LOXL4: variants seen among roughly 807,000 people sequenced by gnomAD.
LOXL4 encodes lysyl oxidase homolog 4.
A neutral mutation model predicts 89.1 loss-of-function variants in LOXL4; 72 were observed. That is an observed-to-expected ratio of 0.81 (90% confidence interval 0.67 to 0.98). LOXL4 has a LOEUF of 0.98. Ranked by LOEUF, LOXL4 falls within the 50% of genes least tolerant of loss-of-function variation. The pLI is 0.00. For missense variants in LOXL4, 984 were observed against 1,017.5 expected, an observed-to-expected ratio of 0.97 and a Z score of 0.45; for synonymous variants, 355 against 392.1, an observed-to-expected ratio of 0.91 and a Z score of 1.12.
At chr10:98,260,481 G>A (rs1590882976) in intron 4 of LOXL4, among the ~76,000 whole-genome samples, 2 of 141,692 alleles carry the variant, frequency 1.4e-5, no homozygotes, top group African/African-American at 2.6e-5. Context: ...GGCGGGGGGT[G>A]GGGGGGCGTT....
chr10:98,252,837 G>T (rs1398242703), intron 11 of LOXL4, among the ~76,000 whole-genome samples: 1 of 152,228 alleles, frequency 6.6e-6, no homozygotes, highest in Non-Finnish European at 1.5e-5. Flanking sequence ...GTCCCTGTAA[G>T]CCTGGGACCA....
In LOXL4 at chr10:98,248,899, C is replaced by G; in HGVS notation, c.*22G>C. 1 of 1,605,122 alleles carries G rather than the reference C, an allele frequency of 6.2e-7. No homozygotes were observed. Among genetic ancestry groups the G allele is most frequent in the East Asian group, 2.2e-5 (1 of 44,820 alleles). ...GAGGTATCTGGTGTATCGGCAGCAG[C>G]TAGGAGTGTGCAGTGACAGCTTCAG... On this transcript the variant is annotated 3_prime_UTR_variant, in exon 15 of 15. Transcript: ENST00000260702.
At chr10:98,257,623 TG>T in intron 8 of LOXL4, 26 bp downstream of exon 8, 1 of 1,605,338 alleles carries the variant, frequency 6.2e-7, no homozygotes, top group Non-Finnish European at 8.5e-7. Context: ...GCCCCCAGCC[TG>T]AGGCCATGCT....
At chr10:98,265,371 C>CTAT (rs148906358) in intron 1 of LOXL4, among the ~76,000 whole-genome samples, 3,600 of 118,722 alleles carry the variant, frequency 0.03, 357 homozygotes, top group Middle Eastern at 0.046. Context: ...TAACAATGAA[C>CTAT]TATTATTATT....
At chr10:98,251,498 C>T in intron 13 of LOXL4, 68 bp downstream of exon 13, 1 of 1,580,398 alleles carries the variant, frequency 6.3e-7, no homozygotes, top group Non-Finnish European at 8.6e-7. Context: ...CCTTCATTTG[C>T]CCTCAGGGAA....
intron 1 of LOXL4, among the ~76,000 whole-genome samples, chr10:98,263,882 C>G (rs1005431384): frequency 2.0e-5 from 3 of 151,978 alleles, no homozygotes; most frequent in Non-Finnish European, 2.9e-5. Flanking sequence ...AGGCGCCCAC[C>G]ACCACGCCCA....
At chr10:98,257,246 C>T (rs1253163100) in intron 8 of LOXL4, among the ~76,000 whole-genome samples, 1 of 152,036 alleles carries the variant, frequency 6.6e-6, no homozygotes, top group Non-Finnish European at 1.5e-5. Flanking sequence ...ATGTCCCTTG[C>T]CTCATTCACA....
Position 98,251,605 on chromosome 10 carries a change from C to T in LOXL4, c.2049G>A (p.Val683=). The T allele has an allele frequency of 6.2e-7, 1 of 1,614,262 alleles. No homozygotes were observed. The highest frequency in any genetic ancestry group is 8.5e-7 in the Non-Finnish European group (1 of 1,180,052). Residue 683 remains valine (V), a synonymous_variant, in exon 13 of 15, where the codon GTG becomes GTA. Transcript: ENST00000260702. The stretch of plus-strand genomic sequence containing the variant: ...TCCCGGGGCCCACATCTGTGATATC[C>T]ACCCACTGGCAATCAATGTCATGCC... ...TYRHDIDCQW[V]DITDVGPGNY...
At chr10:98,256,073 C>G (rs183221822) in intron 9 of LOXL4, 2 of 246,836 alleles carry the variant, frequency 8.1e-6, no homozygotes, top group African/African-American at 4.5e-5. Context: ...CCCAGCTGCT[C>G]CTCAAGCGGC....
Position 98,252,486 on chromosome 10 carries a change from C to A in LOXL4, c.1836-18G>T. The A allele has an allele frequency of 1.3e-6, 2 of 1,565,330 alleles. No individual in the cohort carries two copies. Among genetic ancestry groups the A allele is most frequent in the South Asian group, 2.2e-5 (2 of 89,864 alleles). ...GGTAATGCCTGCAGAAGGGGTAGAG[C>A]TGTCAGTGCGGCAGCAACAGGAGAG... is the stretch of plus-strand genomic sequence containing the variant. On this transcript the variant is annotated intron_variant, in intron 11 of 14. Transcript: ENST00000260702.
At position 98,259,127 on chromosome 10, in the gene LOXL4, G is replaced by A; in HGVS notation, c.803C>T (p.Ala268Val). 1 of 1,610,310 alleles carries A rather than the reference G, an allele frequency of 6.2e-7. No individual in the cohort carries two copies. Among genetic ancestry groups the A allele is most frequent in the Middle Eastern group, 2.0e-4 (1 of 5,006 alleles). The change falls in exon 6 of 15, where the codon GCC (alanine) becomes GTC (valine). Residue 268 changes from alanine (A) to valine (V), a missense_variant. Physicochemically the swap from Ala to Val is moderately conservative, Grantham distance 64 (BLOSUM62 0). Transcript: ENST00000260702. ...MANCQVQVAPARGKLRPACPG... is the reference protein window; with the variant it reads ...MANCQVQVAPVRGKLRPACPG... ...GCAGGCTGGCCGCAGCTTGCCCCGG[G>A]CTGGAGCCACCTGCACCTGGCAGTT... is the stretch of plus-strand genomic sequence containing the variant.
chr10:98,257,913 A>G (rs562304614), intron 7 of LOXL4, 68 bp downstream of exon 7: 198 of 1,587,572 alleles, frequency 1.2e-4, no homozygotes, highest in Non-Finnish European at 1.5e-4. Flanking sequence ...CTGTCACCCC[A>G]GGGCCTTCAA....
At chr10:98,265,407 TTATTATTA>T (rs1858659229) in intron 1 of LOXL4, among the ~76,000 whole-genome samples, 1 of 68,544 alleles carries the variant, frequency 1.5e-5, no homozygotes, top group African/African-American at 5.2e-5. Context: ...ATTATTATTA[TTATTATTA>T]TTTTTGAGAC....
intron 6 of LOXL4, among the ~76,000 whole-genome samples, chr10:98,258,414 C>G (rs555804791): frequency 6.6e-6 from 1 of 151,590 alleles, no homozygotes; most frequent in Non-Finnish European, 1.5e-5. Flanking sequence ...TCAAGTGTGG[C>G]GCTAAGGCAT....
chr10:98,249,202 G>A (rs758788198), intron 14 of LOXL4, among the ~76,000 whole-genome samples: 4 of 152,212 alleles, frequency 2.6e-5, no homozygotes, highest in Non-Finnish European at 4.4e-5. Flanking sequence ...AAAGAGTTGT[G>A]CTAGTTATTC....
At chr10:98,256,139 T>C (rs147584747) in intron 9 of LOXL4, 225 of 187,358 alleles carry the variant, frequency 1.2e-3, no homozygotes, top group African/African-American at 4.9e-3. Flanking sequence ...GCAGCCAGTG[T>C]GGGTGCAAGT....
chr10:98,258,257 A>G, intron 6 of LOXL4, 93 bp from the exon 7 acceptor site: 2 of 1,327,802 alleles, frequency 1.5e-6, no homozygotes, highest in Admixed American at 2.5e-5. Flanking sequence ...GGCTCCTTCA[A>G]GTTCCATGGC....
In LOXL4 at chr10:98,253,775, T is replaced by C. The variant is rs1858280209; in HGVS notation, c.1613A>G (p.Asn538Ser). The stretch of plus-strand genomic sequence containing the variant: ...GGCCGTCTCCTGCACTAGCTGGGCG[T>C]TCATCACCAGGTCTGGTGCACCTGG... ...CMDSAPDLVM[N>S]AQLVQETAYL... Residue 538 changes from asparagine (N) to serine (S), a missense_variant, in exon 11 of 15, where the codon AAC becomes AGC. By Grantham distance (46) the Asn-to-Ser change is conservative (BLOSUM62 1). Transcript: ENST00000260702. The C allele has an allele frequency of 6.2e-7, 1 of 1,613,900 alleles. No homozygotes were observed. The highest frequency in any genetic ancestry group is 1.3e-5 in the African/African-American group (1 of 74,900).
At chr10:98,267,624 G>T (rs937720880) in intron 1 of LOXL4, among the ~76,000 whole-genome samples, 1 of 152,274 alleles carries the variant, frequency 6.6e-6, no homozygotes, top group Admixed American at 6.5e-5. Context: ...TGGTCTCTGA[G>T]CTGTACCTGT....
Sources: allele counts gnomAD v4.1 joint callset (sites outside exome capture counted in the v4.1 genomes callset), GRCh38; gene constraint gnomAD v4.1.1; transcripts MANE v1.5; gene names NCBI Gene and HGNC (gene_info 2026-07-23, HGNC 2026-07-21).